CFAP299: variants seen among roughly 807,000 people sequenced by gnomAD.
CFAP299 encodes cilia and flagella associated protein 299, also known as cilia- and flagella-associated protein 299.
Under a neutral mutation model 27.0 loss-of-function variants are expected in CFAP299, and 21 were observed. That is an observed-to-expected ratio of 0.78 (90% CI 0.55 to 1.12). The LOEUF (loss-of-function observed/expected upper bound fraction) is 1.12, where lower values mean the gene tolerates loss of function less well. Ranked by LOEUF, CFAP299 falls within the 50% of genes most tolerant of loss-of-function variation. CFAP299 has a pLI of 0.00. For synonymous variants in CFAP299, 104 were observed against 98.1 expected, an observed-to-expected ratio of 1.06 and a Z score of -0.36; for missense variants, 310 against 276.6, an observed-to-expected ratio of 1.12 and a Z score of -0.86.
intron 4 of CFAP299, among the ~76,000 whole-genome samples, chr4:80,927,836 T>C (rs943823479): frequency 6.6e-6 from 1 of 152,162 alleles, no homozygotes; most frequent in Non-Finnish European, 1.5e-5. Flanking sequence ...CTTCCCATTT[T>C]AAGGTCAAAT....
chr4:80,690,341 A>G (rs1165809233), intron 3 of CFAP299, among the ~76,000 whole-genome samples: 1 of 151,974 alleles, frequency 6.6e-6, no homozygotes, highest in Non-Finnish European at 1.5e-5. Context: ...ATAACAAACT[A>G]TCTCTCAGAC....
intron 3 of CFAP299, among the ~76,000 whole-genome samples, chr4:80,647,227 T>A (rs1740069247): frequency 6.6e-6 from 1 of 152,144 alleles, no homozygotes; most frequent in Admixed American, 6.6e-5. Context: ...GTTACATGTT[T>A]TGGGAGTCAA....
In CFAP299 at chr4:80,473,105, A is replaced by G. The variant is rs115693084; in HGVS notation, c.243-109988A>G. On this transcript the variant is annotated intron_variant, in intron 2 of 5. Transcript: ENST00000358105. Reference sequence around the variant, plus strand: ...ATAGGCAAGCAAGTAGATCATTACAATACAATATTACATAAATACAAGAAG... The same window carrying G: ...ATAGGCAAGCAAGTAGATCATTACAGTACAATATTACATAAATACAAGAAG... Among the ~76,000 whole-genome samples the G allele has an allele frequency of 8.7e-3, 1,321 of 152,248 alleles. 29 individuals are homozygous for G. The highest frequency in any genetic ancestry group is 0.03 in the African/African-American group (1,252 of 41,538).
At chr4:80,883,766 A>G (rs1432100747) in intron 4 of CFAP299, among the ~76,000 whole-genome samples, 1 of 152,220 alleles carries the variant, frequency 6.6e-6, no homozygotes. Context: ...GCTCTTAAAT[A>G]TATGAACCAA....
At chr4:80,680,203 C>T (rs1486031) in intron 3 of CFAP299, among the ~76,000 whole-genome samples, 11,246 of 152,064 alleles carry the variant, frequency 0.074, 607 homozygotes, top group East Asian at 0.22. Context: ...TTAATTTAGA[C>T]ATCTTTCCAA....
intron 3 of CFAP299, among the ~76,000 whole-genome samples, chr4:80,859,702 GA>G (rs1439864480): frequency 6.6e-6 from 1 of 152,114 alleles, no homozygotes; most frequent in Non-Finnish European, 1.5e-5. Flanking sequence ...ATTCTCGGTT[GA>G]AAATTCTTTT....
chr4:80,874,761 C>A (rs1733282697), intron 4 of CFAP299, among the ~76,000 whole-genome samples: 1 of 152,078 alleles, frequency 6.6e-6, no homozygotes, highest in South Asian at 2.1e-4. Context: ...CAAACCATAG[C>A]AATATTAAAT....
At chr4:80,392,660 C>T (rs965074229) in intron 2 of CFAP299, among the ~76,000 whole-genome samples, 9 of 152,108 alleles carry the variant, frequency 5.9e-5, no homozygotes, top group South Asian at 4.1e-4. Context: ...TTCCCGGCCA[C>T]GCTGAGCTGT....
At chr4:80,476,931 T>TTG (rs1166504374) in intron 2 of CFAP299, among the ~76,000 whole-genome samples, 5 of 147,886 alleles carry the variant, frequency 3.4e-5, no homozygotes, top group East Asian at 2.0e-4. Context: ...CTCAGGCATT[T>TTG]TGTGTGTGTG....
chr4:80,853,158 G>C (rs1329162257), intron 3 of CFAP299, among the ~76,000 whole-genome samples: 3 of 152,026 alleles, frequency 2.0e-5, no homozygotes, highest in Non-Finnish European at 4.4e-5. Context: ...AGCCTCCCAA[G>C]TAACTGGGAT....
At chr4:80,933,020 TTA>T (rs1449202978) in intron 4 of CFAP299, among the ~76,000 whole-genome samples, 1 of 152,178 alleles carries the variant, frequency 6.6e-6, no homozygotes, top group African/African-American at 2.4e-5. Context: ...TTACATATAT[TTA>T]AGGTATACAA....
At chr4:80,858,353 A>G (rs1470796602) in intron 3 of CFAP299, among the ~76,000 whole-genome samples, 2 of 151,998 alleles carry the variant, frequency 1.3e-5, no homozygotes. Context: ...CCTTTCAAAA[A>G]ACCAGCTCCT....
At chr4:80,857,143 G>A (rs1043278112) in intron 3 of CFAP299, among the ~76,000 whole-genome samples, 4 of 152,132 alleles carry the variant, frequency 2.6e-5, no homozygotes, top group South Asian at 4.1e-4. Flanking sequence ...TGGATTCCTA[G>A]GTATTTTATT....
At chr4:80,949,936 G>A (rs1292808070) in intron 5 of CFAP299, among the ~76,000 whole-genome samples, 4 of 152,208 alleles carry the variant, frequency 2.6e-5, no homozygotes, top group Admixed American at 1.3e-4. Flanking sequence ...AAAAGCTGGA[G>A]AAGACAAGCA....
At chr4:80,676,010 C>A (rs560156307) in intron 3 of CFAP299, among the ~76,000 whole-genome samples, 4 of 152,210 alleles carry the variant, frequency 2.6e-5, no homozygotes, top group Admixed American at 6.5e-5. Context: ...TGAGGCAATG[C>A]CCTGCCCTGC....
chr4:80,591,126 T>TTTA (rs1736748212), intron 3 of CFAP299, among the ~76,000 whole-genome samples: 1 of 132,766 alleles, frequency 7.5e-6, no homozygotes, highest in African/African-American at 2.7e-5. Context: ...TTTTTTTTTT[T>TTTA]TTTTTATTTT....
intron 3 of CFAP299, among the ~76,000 whole-genome samples, chr4:80,755,631 G>C (rs1263522912): frequency 6.6e-6 from 1 of 152,108 alleles, no homozygotes; most frequent in Non-Finnish European, 1.5e-5. Context: ...GTAAATCCTA[G>C]ATGAATCTTC....
At chr4:80,377,198 C>T (rs1724459744) in intron 2 of CFAP299, among the ~76,000 whole-genome samples, 1 of 151,908 alleles carries the variant, frequency 6.6e-6, no homozygotes, top group Admixed American at 6.6e-5. Context: ...ATTTGAATTC[C>T]TAGTTACAAG....
chr4:80,716,540 G>T (rs979896597), intron 3 of CFAP299, among the ~76,000 whole-genome samples: 2 of 151,960 alleles, frequency 1.3e-5, no homozygotes, highest in African/African-American at 4.8e-5. Flanking sequence ...CTCCCAATGT[G>T]CAAGCTTACA....
Sources: allele counts gnomAD v4.1 joint callset (sites outside exome capture counted in the v4.1 genomes callset), GRCh38; gene constraint gnomAD v4.1.1; transcripts MANE v1.5; gene names NCBI Gene and HGNC (gene_info 2026-07-23, HGNC 2026-07-21).